TENM2: variants seen among roughly 807,000 people sequenced by gnomAD.
TENM2 encodes the protein teneurin transmembrane protein 2.
A neutral mutation model predicts 245.2 loss-of-function variants in TENM2; 52 were observed. The observed-to-expected ratio is 0.21, with a 90% confidence interval of 0.17 to 0.27. The LOEUF (loss-of-function observed/expected upper bound fraction) is 0.27. TENM2 is among the 10% of genes least tolerant of loss of function. The pLI is 1.00. For missense variants in TENM2, 3,046 were observed against 3,666.8 expected (o/e 0.83, Z 4.37); for synonymous variants, 1,363 against 1,438.9 (o/e 0.95, Z 1.19).
At chr5:167,128,058 A>G in the TENM2 span, among the ~76,000 whole-genome samples, 1 of 152,120 alleles carries the variant, frequency 6.6e-6, no homozygotes, top group Non-Finnish European at 1.5e-5. Flanking sequence ...GAGTACAAAC[A>G]TTGCTTCTGT....
chr5:167,948,236 G>A lies in TENM2; in HGVS notation c.713-4352G>A, dbSNP rs137969761. Among the ~76,000 whole-genome samples the A allele has an allele frequency of 1.6e-4, 24 of 152,228 alleles. No individual in the cohort carries two copies. The East Asian group carries it at 4.0e-3, about 26-fold the overall frequency. On this transcript the variant is annotated intron_variant, in intron 3 of 28. Transcript: ENST00000518659. ...ATCTGACTTTATGGGAATTGGTATCGTTACTCAACAAAGAAGCACTGCTTC... is the reference window on the plus strand; with the variant it reads ...ATCTGACTTTATGGGAATTGGTATCATTACTCAACAAAGAAGCACTGCTTC...
At chr5:167,437,808 C>T (rs1415515834) in intron 2 of TENM2, among the ~76,000 whole-genome samples, 1 of 152,166 alleles carries the variant, frequency 6.6e-6, no homozygotes, top group Non-Finnish European at 1.5e-5. Flanking sequence ...CTCTTGCCTG[C>T]TGTGATGTAA....
intron 2 of TENM2, among the ~76,000 whole-genome samples, chr5:167,532,775 CAT>C (rs1235804302): frequency 6.9e-6 from 1 of 144,910 alleles, no homozygotes; most frequent in Non-Finnish European, 1.5e-5. Flanking sequence ...TATATATACA[CAT>C]ATATATACAC....
chr5:167,406,619 ACTCTG>A (rs1171254905), intron 2 of TENM2, among the ~76,000 whole-genome samples: 1 of 152,094 alleles, frequency 6.6e-6, no homozygotes, highest in Non-Finnish European at 1.5e-5. Context: ...TCCTCACAGA[ACTCTG>A]TGAACAAAAA....
intron 1 of TENM2, among the ~76,000 whole-genome samples, chr5:167,370,510 A>G (rs1760351721): frequency 6.6e-6 from 1 of 152,208 alleles, no homozygotes; most frequent in Non-Finnish European, 1.5e-5. Context: ...AGACATTAAC[A>G]TTCTCTCCCA....
chr5:167,319,020 T>G (rs563672014), intron 1 of TENM2, among the ~76,000 whole-genome samples: 1 of 152,296 alleles, frequency 6.6e-6, no homozygotes, highest in Admixed American at 6.5e-5. Context: ...CTTTCTTTTA[T>G]GGGATATTTA....
At chr5:167,693,602 A>G (rs1757571623) in intron 2 of TENM2, among the ~76,000 whole-genome samples, 1 of 142,730 alleles carries the variant, frequency 7.0e-6, no homozygotes, top group Non-Finnish European at 1.5e-5. Context: ...CCTCTCCCTC[A>G]CTGTTACCTA....
chr5:167,334,734 T>C (rs763896667), intron 1 of TENM2, among the ~76,000 whole-genome samples: 6 of 152,192 alleles, frequency 3.9e-5, no homozygotes, highest in Non-Finnish European at 8.8e-5. Flanking sequence ...GGTTTGCAGG[T>C]CATATTATTT....
chr5:168,189,571 G>A (rs141061760), intron 13 of TENM2, among the ~76,000 whole-genome samples: 105 of 152,194 alleles, frequency 6.9e-4, no homozygotes, highest in African/African-American at 2.4e-3. Context: ...AAACTACTGC[G>A]GAAACTGCAG....
intron 3 of TENM2, among the ~76,000 whole-genome samples, chr5:167,899,996 T>A (rs760979236): frequency 2.6e-5 from 4 of 151,806 alleles, no homozygotes; most frequent in Non-Finnish European, 1.5e-5. Flanking sequence ...AGTTAGTTAG[T>A]GTGGCAGCTC....
At chr5:167,452,346 T>C (rs1166296424) in intron 2 of TENM2, among the ~76,000 whole-genome samples, 1 of 152,124 alleles carries the variant, frequency 6.6e-6, no homozygotes, top group Non-Finnish European at 1.5e-5. Flanking sequence ...ACTAGTGCAT[T>C]ATACGCAAGT....
intron 1 of TENM2, among the ~76,000 whole-genome samples, chr5:167,371,647 C>G (rs970157203): frequency 3.9e-5 from 6 of 152,088 alleles, no homozygotes; most frequent in African/African-American, 1.2e-4. Context: ...AGGAGTGAGC[C>G]ACTGCGCCCG....
intron 2 of TENM2, among the ~76,000 whole-genome samples, chr5:167,422,982 G>T (rs900747429): frequency 7.2e-5 from 11 of 152,154 alleles, no homozygotes; most frequent in African/African-American, 2.7e-4. Flanking sequence ...TTTTGTCCAT[G>T]TTGTGCAGCG....
chr5:167,607,756 A>G (rs1777159461), intron 2 of TENM2, among the ~76,000 whole-genome samples: 2 of 152,200 alleles, frequency 1.3e-5, no homozygotes, highest in Admixed American at 1.3e-4. Context: ...CTAGATAAGA[A>G]TGCAAAATGC....
chr5:168,017,546 A>G (rs1196764764), intron 5 of TENM2, among the ~76,000 whole-genome samples: 2 of 152,130 alleles, frequency 1.3e-5, no homozygotes, highest in African/African-American at 4.8e-5. Flanking sequence ...TCAGTCTCTT[A>G]CAGTGTGTGG....
chr5:168,080,092 T>G (rs1207039296), intron 7 of TENM2, among the ~76,000 whole-genome samples: 1 of 152,248 alleles, frequency 6.6e-6, no homozygotes, highest in Non-Finnish European at 1.5e-5. Flanking sequence ...CTATTAATTA[T>G]TGCCTCAATT....
chr5:167,971,022 G>A (rs976702389), intron 4 of TENM2, among the ~76,000 whole-genome samples: 6 of 152,160 alleles, frequency 3.9e-5, no homozygotes, highest in African/African-American at 9.7e-5. Flanking sequence ...AAACATAAAA[G>A]CAGTGTTACA....
At chr5:168,034,151 GTATA>G (rs1308833270) in intron 5 of TENM2, among the ~76,000 whole-genome samples, 2 of 101,178 alleles carry the variant, frequency 2.0e-5, no homozygotes, top group African/African-American at 7.3e-5. Flanking sequence ...ATATATATGT[GTATA>G]TATATATGTA....
chr5:167,001,730 A>C, the TENM2 span, among the ~76,000 whole-genome samples: 22 of 152,256 alleles, frequency 1.4e-4, no homozygotes, highest in Non-Finnish European at 2.4e-4. Flanking sequence ...ATTGAATCAA[A>C]AGAAATACTA....
Sources: allele counts gnomAD v4.1 joint callset (sites outside exome capture counted in the v4.1 genomes callset), GRCh38; gene constraint gnomAD v4.1.1; transcripts MANE v1.5; gene names NCBI Gene and HGNC (gene_info 2026-07-23, HGNC 2026-07-21).